Variants in DACH1 observed in about 807,000 individuals in gnomAD.
The protein encoded by DACH1 is dachshund homolog 1.
Under a neutral mutation model 54.2 loss-of-function variants are expected in DACH1, and 12 were observed. That is an observed-to-expected ratio of 0.22 (90% CI 0.14 to 0.36). The LOEUF (loss-of-function observed/expected upper bound fraction) is 0.36, where lower values mean the gene tolerates loss of function less well. DACH1 is among the 10% of genes least tolerant of loss of function. The pLI is 1.00. For missense variants in DACH1, 805 were observed against 929.8 expected, an observed-to-expected ratio of 0.87 and a Z score of 1.75; for synonymous variants, 386 against 366.2, an observed-to-expected ratio of 1.05 and a Z score of -0.62.
At chr13:71,524,495 A>T (rs1438588931) in intron 6 of DACH1, among the ~76,000 whole-genome samples, 1 of 152,146 alleles carries the variant, frequency 6.6e-6, no homozygotes, top group Non-Finnish European at 1.5e-5. Flanking sequence ...GTCTTTCGAT[A>T]CTGTAATTCA....
Position 71,549,020 on chromosome 13 carries a change from C to T in DACH1, c.1570+8004G>A, listed in dbSNP as rs1045992731. On this transcript the variant is annotated intron_variant, in intron 6 of 10. Transcript: ENST00000613252. ...ATACACATAACCTTCCTCTGTAGATCACTTCCATACTAGACTATGCAAACT... is the reference window on the plus strand; with the variant it reads ...ATACACATAACCTTCCTCTGTAGATTACTTCCATACTAGACTATGCAAACT... Among the ~76,000 whole-genome samples the T allele has an allele frequency of 3.9e-5, 6 of 152,112 alleles. No individual in the cohort carries two copies. The East Asian group carries it at 1.2e-3, about 29-fold the overall frequency.
chr13:71,575,271 A>G (rs1342474226), intron 3 of DACH1, among the ~76,000 whole-genome samples: 1 of 151,998 alleles, frequency 6.6e-6, no homozygotes, highest in Non-Finnish European at 1.5e-5. Flanking sequence ...TCTATATTTT[A>G]TACTTCATTT....
At position 71,866,357 on chromosome 13, in the gene DACH1, G is replaced by A; in HGVS notation, c.413C>T (p.Thr138Ile). The change falls in exon 1 of 11, where the codon ACC becomes ATC. Residue 138 changes from threonine (T) to isoleucine (I), a missense_variant. Transcript: ENST00000613252. Reference protein sequence around the residue: ...VASSTPINASTGSSSSSSSSS... With the variant: ...VASSTPINASIGSSSSSSSSS... ...GCTACTGCTGCTGCTGCTGCTGCCG[G>A]TGCTGGCGTTGATGGGGGTGCTGGA... 6 of 1,523,232 alleles carry A rather than the reference G, an allele frequency of 3.9e-6. No homozygotes were observed. Among genetic ancestry groups the A allele is most frequent in the Non-Finnish European group, 4.4e-6 (5 of 1,133,788 alleles). The allele number at this position is 1,523,232 out of a possible 1,614,324, so 94.4% of individuals were successfully genotyped here.
chr13:71,454,138 G>A (rs988943985), intron 10 of DACH1, among the ~76,000 whole-genome samples: 7 of 152,144 alleles, frequency 4.6e-5, no homozygotes, highest in African/African-American at 1.7e-4. Flanking sequence ...CTGAAATGAA[G>A]CCTGGAGAAA....
At chr13:71,496,284 T>C (rs1431695607) in intron 6 of DACH1, among the ~76,000 whole-genome samples, 4 of 122,748 alleles carry the variant, frequency 3.3e-5, no homozygotes, top group Non-Finnish European at 5.0e-5. Context: ...TATATATATA[T>C]ATATATATAT....
chr13:71,656,028 T>C lies in DACH1; in HGVS notation c.965-25311A>G, dbSNP rs78060445. ...TGAGCTTGAAACTTGCGTGACATACTTCAAAGGTTATCATTAGCAAGTTTT... is the reference window on the plus strand; with the variant it reads ...TGAGCTTGAAACTTGCGTGACATACCTCAAAGGTTATCATTAGCAAGTTTT... On this transcript the variant is annotated intron_variant, in intron 2 of 10. Coordinates refer to ENST00000613252, the MANE Select transcript of DACH1 (RefSeq NM_080759.6). Among the ~76,000 whole-genome samples the C allele has an allele frequency of 1.6e-3, 238 of 152,342 alleles. 7 individuals carry two copies. In the East Asian group the frequency reaches 0.04, roughly 26 times the overall value.
At chr13:71,733,726 A>C (rs749112532) in intron 1 of DACH1, among the ~76,000 whole-genome samples, 1 of 152,164 alleles carries the variant, frequency 6.6e-6, no homozygotes, top group Non-Finnish European at 1.5e-5. Context: ...CATTTTATTA[A>C]TGACAGTAGC....
chr13:71,693,248 T>C (rs1333608405), intron 1 of DACH1, among the ~76,000 whole-genome samples: 1 of 149,496 alleles, frequency 6.7e-6, no homozygotes, highest in Non-Finnish European at 1.5e-5. Flanking sequence ...CACACACACA[T>C]ACATTCAACA....
chr13:71,839,040 C>A (rs1356085043), intron 1 of DACH1, among the ~76,000 whole-genome samples: 1 of 152,160 alleles, frequency 6.6e-6, no homozygotes, highest in South Asian at 2.1e-4. Context: ...CTTCGAGTCA[C>A]AATCATGACT....
intron 1 of DACH1, among the ~76,000 whole-genome samples, chr13:71,769,135 C>G (rs1885753492): frequency 6.6e-6 from 1 of 151,738 alleles, no homozygotes; most frequent in Non-Finnish European, 1.5e-5. Flanking sequence ...AGAATAGCAA[C>G]TTGAGCCAGA....
intron 1 of DACH1, among the ~76,000 whole-genome samples, chr13:71,796,058 A>G (rs1375019260): frequency 1.3e-5 from 2 of 152,164 alleles, no homozygotes; most frequent in Non-Finnish European, 2.9e-5. Context: ...CTATTTCTGG[A>G]ATGCCTTGTA....
At chr13:71,628,387 T>C (rs574907445) in intron 3 of DACH1, among the ~76,000 whole-genome samples, 17 of 152,162 alleles carry the variant, frequency 1.1e-4, no homozygotes, top group African/African-American at 4.1e-4. Flanking sequence ...CATGTGAGAA[T>C]AGGATGAAAA....
intron 3 of DACH1, among the ~76,000 whole-genome samples, chr13:71,620,788 A>G (rs1015506016): frequency 6.6e-6 from 1 of 152,014 alleles, no homozygotes; most frequent in African/African-American, 2.4e-5. Flanking sequence ...GATATCTTAA[A>G]ATGTAGTATC....
intron 1 of DACH1, among the ~76,000 whole-genome samples, chr13:71,708,626 T>C (rs1405111745): frequency 6.6e-6 from 1 of 151,968 alleles, no homozygotes; most frequent in Non-Finnish European, 1.5e-5. Flanking sequence ...ATGAAGAATA[T>C]ATCTAAGTGT....
At chr13:71,751,983 A>G (rs898140110) in intron 1 of DACH1, among the ~76,000 whole-genome samples, 4 of 152,136 alleles carry the variant, frequency 2.6e-5, no homozygotes, top group Admixed American at 2.0e-4. Flanking sequence ...ATCTCTCTTG[A>G]TTCTGTGAGT....
At chr13:71,574,641 G>A (rs1038406928) in intron 3 of DACH1, among the ~76,000 whole-genome samples, 3 of 151,932 alleles carry the variant, frequency 2.0e-5, no homozygotes, top group African/African-American at 4.8e-5. Context: ...CTGGATCTTA[G>A]AGTAAAGTGT....
chr13:71,468,333 T>A (rs1477708032), intron 10 of DACH1, among the ~76,000 whole-genome samples: 1 of 152,184 alleles, frequency 6.6e-6, no homozygotes, highest in Non-Finnish European at 1.5e-5. Context: ...GATTATTTTA[T>A]TTAATCTTCA....
At chr13:71,646,598 C>T (rs1268092778) in intron 2 of DACH1, among the ~76,000 whole-genome samples, 1 of 152,084 alleles carries the variant, frequency 6.6e-6, no homozygotes, top group African/African-American at 2.4e-5. Context: ...GAAAGTTGAT[C>T]CATCTATTTG....
intron 1 of DACH1, among the ~76,000 whole-genome samples, chr13:71,806,387 C>T (rs1056416901): frequency 1.3e-5 from 2 of 152,110 alleles, no homozygotes; most frequent in Admixed American, 6.6e-5. Flanking sequence ...ATGTTATACC[C>T]TGGGAAAATG....
Sources: allele counts gnomAD v4.1 joint callset (sites outside exome capture counted in the v4.1 genomes callset), GRCh38; gene constraint gnomAD v4.1.1; transcripts MANE v1.5; gene names NCBI Gene and HGNC (gene_info 2026-07-23, HGNC 2026-07-21).